NUFIP1: variants seen among roughly 807,000 people sequenced by gnomAD.
The protein encoded by NUFIP1 is nuclear FMR1 interacting protein 1.
In NUFIP1, 38 loss-of-function variants were observed where a neutral mutation model predicts 56.2. That is an observed-to-expected ratio of 0.68 (90% CI 0.52 to 0.89). NUFIP1 has a LOEUF of 0.89. Among genes scored for constraint, NUFIP1 ranks in the 40% least tolerant of loss-of-function variants. The probability of loss-of-function intolerance (pLI) is 0.00; values close to 1 mark genes in which losing one functional copy is unlikely to be tolerated. For missense variants in NUFIP1, 567 were observed against 605.8 expected (o/e 0.94, Z 0.67); for synonymous variants, 215 against 212.4 (o/e 1.01, Z -0.10).
Position 44,965,880 on chromosome 13 carries a change from T to C in NUFIP1, c.791A>G (p.Glu264Gly). ...ERKKKLKLEK[E>G]KRGAVLTTTQ... ...TGTTGTCAATACTGCTCCTCTCTTC[T>C]CCTTTTCAAGTTTTAACTTCTTCTT... The change falls in exon 6 of 10, where the codon GAG becomes GGG. Residue 264 changes from glutamate (E) to glycine (G), a missense_variant. Physicochemically the swap from Glu to Gly is moderately conservative, Grantham distance 98 (BLOSUM62 -2). Transcript: ENST00000379161. 1 of 1,602,844 alleles carries C rather than the reference T, an allele frequency of 6.2e-7. No homozygotes were observed. Among genetic ancestry groups the C allele is most frequent in the Non-Finnish European group, 8.5e-7 (1 of 1,175,988 alleles).
chr13:44,952,144 T>TTTTTTG (rs1370130267), intron 7 of NUFIP1, among the ~76,000 whole-genome samples: 2 of 152,152 alleles, frequency 1.3e-5, no homozygotes, highest in Admixed American at 1.3e-4. Context: ...ATAATTCTGT[T>TTTTTTG]TTTTTGTTTT....
intron 6 of NUFIP1, among the ~76,000 whole-genome samples, chr13:44,961,432 A>G (rs961380758): frequency 1.2e-4 from 18 of 152,340 alleles, no homozygotes; most frequent in South Asian, 8.3e-4. Flanking sequence ...ACAGTACTTC[A>G]CAGAGCAAGA....
intron 6 of NUFIP1, among the ~76,000 whole-genome samples, chr13:44,964,464 C>T (rs970626232): frequency 3.9e-5 from 6 of 152,122 alleles, no homozygotes; most frequent in African/African-American, 1.4e-4. Context: ...CCTGCAACTG[C>T]CCTTGCTTAC....
intron 1 of NUFIP1, among the ~76,000 whole-genome samples, chr13:44,983,755 C>T (rs1294788008): frequency 6.6e-6 from 1 of 152,152 alleles, no homozygotes; most frequent in Non-Finnish European, 1.5e-5. Context: ...CATATATGTG[C>T]CACTGCACTC....
At position 44,989,272 on chromosome 13, in the gene NUFIP1, G is replaced by A. The variant is rs1164880499; in HGVS notation, c.165C>T (p.Pro55=). The A allele has an allele frequency of 1.9e-6, 3 of 1,613,440 alleles. No individual in the cohort carries two copies. Among genetic ancestry groups the A allele is most frequent in the East Asian group, 2.2e-5 (1 of 44,880 alleles). The change falls in exon 1 of 10, where the codon CCC becomes CCT. Residue 55 remains proline, a synonymous_variant. Coordinates refer to ENST00000379161, the MANE Select transcript of NUFIP1 (RefSeq NM_012345.3). ...CAGAGGAAGGCTTTGACCCGGCTGC[G>A]GGAAGCGAGGACGTAAGTGGTGGTG... The part of the protein sequence containing the change: ...PPPPPLTSSL[P]AAGSKPSSES...
chr13:44,949,199 A>ATT (rs11421255), intron 8 of NUFIP1, among the ~76,000 whole-genome samples: 10,206 of 112,594 alleles, frequency 0.091, 1,738 homozygotes, highest in African/African-American at 0.22. Flanking sequence ...ATTATATTGT[A>ATT]TTTTTTTTTT....
At chr13:44,955,494 G>C (rs183982437) in intron 7 of NUFIP1, among the ~76,000 whole-genome samples, 1 of 152,100 alleles carries the variant, frequency 6.6e-6, no homozygotes, top group Non-Finnish European at 1.5e-5. Context: ...TTCTGAGCCA[G>C]AAAAAGGCAA....
At chr13:44,988,227 T>G (rs1363497015) in intron 1 of NUFIP1, among the ~76,000 whole-genome samples, 2 of 152,212 alleles carry the variant, frequency 1.3e-5, no homozygotes, top group African/African-American at 4.8e-5. Context: ...GAGACAGGCC[T>G]GTCCAACACG....
At chr13:44,979,055 T>C in intron 5 of NUFIP1, 135 bp downstream of exon 5, 1 of 624,330 alleles carries the variant, frequency 1.6e-6, no homozygotes, top group Non-Finnish European at 2.7e-6. Context: ...CTACGTTCAA[T>C]AATAGTCTTA....
In NUFIP1 at chr13:44,989,432, G is replaced by A. The variant is rs775909405; in HGVS notation, c.5C>T (p.Ala2Val). 211 of 1,613,196 alleles carry A rather than the reference G, an allele frequency of 1.3e-4. No individual in the cohort carries two copies. Among genetic ancestry groups the A allele is most frequent in the Non-Finnish European group, 1.8e-4 (208 of 1,179,730 alleles). M[A>V]EPTSDFETPI... The stretch of plus-strand genomic sequence containing the variant: ...AGTCTCGAAATCACTAGTCGGCTCA[G>A]CCATACCACTGGCGGGTCCGGAGTC... Residue 2 changes from alanine to valine, a missense_variant, in exon 1 of 10, where the codon GCT becomes GTT. Physicochemically the swap from Ala to Val is moderately conservative, Grantham distance 64. Transcript: ENST00000379161.
At chr13:44,944,829 AAG>A (rs1484598180) in intron 8 of NUFIP1, among the ~76,000 whole-genome samples, 4 of 152,100 alleles carry the variant, frequency 2.6e-5, no homozygotes, top group Admixed American at 2.6e-4. Flanking sequence ...AACAAATCAT[AAG>A]AGAGATTAGG....
At chr13:44,970,773 C>T (rs1166626771) in intron 5 of NUFIP1, among the ~76,000 whole-genome samples, 1 of 152,158 alleles carries the variant, frequency 6.6e-6, no homozygotes, top group Non-Finnish European at 1.5e-5. Flanking sequence ...CTTCTGGGTT[C>T]AAGCAATTCT....
At chr13:44,968,850 C>G (rs940501455) in intron 5 of NUFIP1, among the ~76,000 whole-genome samples, 5 of 152,170 alleles carry the variant, frequency 3.3e-5, no homozygotes, top group Non-Finnish European at 7.3e-5. Context: ...AGAATTTAAA[C>G]TTGTTATAGC....
chr13:44,980,644 G>T, intron 3 of NUFIP1, 78 bp downstream of exon 3: 1 of 973,458 alleles, frequency 1.0e-6, no homozygotes, highest in Non-Finnish European at 1.6e-6. Flanking sequence ...AGGAAAACAA[G>T]CTTGGCATTT....
chr13:44,948,991 T>C (rs897096201), intron 8 of NUFIP1, among the ~76,000 whole-genome samples: 2 of 152,148 alleles, frequency 1.3e-5, no homozygotes, highest in African/African-American at 4.8e-5. Context: ...GGAAGAACAA[T>C]GCCCTATATG....
At chr13:44,974,004 T>C (rs760545035) in intron 5 of NUFIP1, among the ~76,000 whole-genome samples, 1 of 152,364 alleles carries the variant, frequency 6.6e-6, no homozygotes. Context: ...TTTATTCTCA[T>C]AGGCATTTCA....
intron 5 of NUFIP1, among the ~76,000 whole-genome samples, chr13:44,969,096 G>A (rs1871715941): frequency 6.6e-6 from 1 of 152,118 alleles, no homozygotes; most frequent in Admixed American, 6.5e-5. Context: ...CTAAAAGTAA[G>A]ATTAGAGTTT....
intron 1 of NUFIP1, among the ~76,000 whole-genome samples, chr13:44,987,188 G>C (rs531121182): frequency 6.6e-6 from 1 of 152,206 alleles, no homozygotes; most frequent in South Asian, 2.1e-4. Context: ...GATAAGCCTG[G>C]CCAACATGGT....
chr13:44,945,889 A>T (rs2137891576), intron 8 of NUFIP1, among the ~76,000 whole-genome samples: 1 of 152,258 alleles, frequency 6.6e-6, no homozygotes, highest in Middle Eastern at 3.4e-3. Context: ...AAAACCCATA[A>T]TACTCAAACA....
Sources: gnomAD v4.1 joint callset for allele counts (sites outside exome capture counted in the v4.1 genomes callset) on GRCh38, gnomAD v4.1.1 for gene constraint, MANE v1.5 for transcripts, NCBI Gene and HGNC (gene_info 2026-07-23, HGNC 2026-07-21) for gene names.